Variants in TSPEAR observed in about 807,000 individuals in gnomAD.
TSPEAR encodes thrombospondin-type laminin G domain and EAR repeat-containing protein.
In TSPEAR, 69 loss-of-function variants were observed where a neutral mutation model predicts 71.6. That is an observed-to-expected ratio of 0.96 (90% CI 0.79 to 1.18). The LOEUF (loss-of-function observed/expected upper bound fraction) is 1.18. TSPEAR is among the 50% of genes most tolerant of loss of function. The pLI is 0.00. For synonymous variants in TSPEAR, 402 were observed against 387.2 expected, an observed-to-expected ratio of 1.04 and a Z score of -0.45; for missense variants, 971 against 894.9, an observed-to-expected ratio of 1.09 and a Z score of -1.09.
chr21:44,694,206 G>A (rs536642918), intron 1 of TSPEAR, among the ~76,000 whole-genome samples: 15 of 152,346 alleles, frequency 9.8e-5, no homozygotes, highest in African/African-American at 3.6e-4. Context: ...TGGTATATCT[G>A]TATGAAGGAA....
At chr21:44,538,055 T>C (rs1346816288) in intron 2 of TSPEAR, among the ~76,000 whole-genome samples, 1 of 152,164 alleles carries the variant, frequency 6.6e-6, no homozygotes, top group Non-Finnish European at 1.5e-5. Context: ...TCTGTGCCTG[T>C]TCTGACCACA....
chr21:44,581,117 G>A (rs782776709), intron 1 of TSPEAR, among the ~76,000 whole-genome samples: 16 of 152,144 alleles, frequency 1.1e-4, no homozygotes, highest in South Asian at 1.0e-3. Context: ...CTTGTGCCTC[G>A]TAAGGGGAAT....
intron 1 of TSPEAR, among the ~76,000 whole-genome samples, chr21:44,640,556 G>C (rs1473617679): frequency 6.6e-6 from 1 of 152,232 alleles, no homozygotes; most frequent in Non-Finnish European, 1.5e-5. Flanking sequence ...CTTGGTCAAT[G>C]TGTTAAAAAC....
chr21:44,517,404 T>C, intron 9 of TSPEAR: 1 of 221,854 alleles, frequency 4.5e-6, no homozygotes, highest in South Asian at 6.0e-5. Context: ...TGAGTACACG[T>C]GACACAGGGA....
At chr21:44,534,720 C>G (rs2053058211) in intron 2 of TSPEAR, among the ~76,000 whole-genome samples, 1 of 152,158 alleles carries the variant, frequency 6.6e-6, no homozygotes, top group Non-Finnish European at 1.5e-5. Context: ...CTGTGGAAAA[C>G]AGGATGGCAG....
chr21:44,659,168 C>A (rs1294170720), intron 1 of TSPEAR, among the ~76,000 whole-genome samples: 1 of 152,206 alleles, frequency 6.6e-6, no homozygotes, highest in African/African-American at 2.4e-5. Flanking sequence ...TAAGCAACGT[C>A]AGCCTGCCTC....
Position 44,499,922 on chromosome 21 carries a change from T to C in TSPEAR, c.1871A>G (p.Glu624Gly), listed in dbSNP as rs1555910930. The change falls in exon 12 of 12, where the codon GAG becomes GGG. Residue 624 changes from glutamate (E) to glycine (G), a missense_variant. Physicochemically the swap from Glu to Gly is moderately conservative, Grantham distance 98. Transcript: ENST00000323084. The part of the protein sequence containing the change: ...NSIIYRWQGY[E>G]GFVAVHSLPT... ...GAGGCTGTGCACCGCCACGAAGCCC[T>C]CGTAGCCCTGCCACCTGCGGAACAG... The C allele has an allele frequency of 1.9e-6, 3 of 1,606,634 alleles. No individual in the cohort carries two copies. Among genetic ancestry groups the C allele is most frequent in the East Asian group, 4.5e-5 (2 of 44,374 alleles).
At chr21:44,515,226 G>A (rs1555913231) in intron 9 of TSPEAR, among the ~76,000 whole-genome samples, 1 of 152,274 alleles carries the variant, frequency 6.6e-6, no homozygotes, top group Non-Finnish European at 1.5e-5. Context: ...GGCAAAACAT[G>A]AAAGTGGGCT....
intron 2 of TSPEAR, among the ~76,000 whole-genome samples, chr21:44,545,346 A>T (rs151213397): frequency 1.4e-4 from 21 of 147,370 alleles, no homozygotes; most frequent in South Asian, 1.3e-3. Flanking sequence ...TTAATTAATT[A>T]AAAAAAAAAG....
At chr21:44,510,223 T>C (rs941512921) in intron 9 of TSPEAR, among the ~76,000 whole-genome samples, 1 of 152,132 alleles carries the variant, frequency 6.6e-6, no homozygotes, top group African/African-American at 2.4e-5. Flanking sequence ...AGGGGAAGGC[T>C]GCTTCCCTGG....
intron 1 of TSPEAR, chr21:44,575,285 C>T: frequency 2.0e-6 from 1 of 493,564 alleles, no homozygotes; most frequent in Non-Finnish European, 3.8e-6. Context: ...CCCGTGAGGT[C>T]TCTGTCCTCC....
chr21:44,588,995 G>C (rs1785470), intron 1 of TSPEAR, among the ~76,000 whole-genome samples: 132,011 of 151,490 alleles, frequency 0.87, 57,597 homozygotes, highest in Admixed American at 0.9. Context: ...TTTGGGGACT[G>C]AGAGGGAAAG....
chr21:44,580,077 A>AG (rs1978816824), intron 1 of TSPEAR: 1 of 1,613,650 alleles, frequency 6.2e-7, no homozygotes, highest in Admixed American at 1.7e-5. Flanking sequence ...GACTGCTGGC[A>AG]GGGGGAGGAG....
rs782487781 is a variant in TSPEAR at position 44,531,128 on chromosome 21, G to A, written c.548C>T (p.Ala183Val). ...CAGGGTGGCTGGGAAGGGCACATCG[G>A]CCATTCTGAAAATATCAAAGGACTG... ...TDCGLPVDIM[A>V]DVPFPATLSV... Residue 183 changes from alanine (A) to valine (V), a missense_variant, in exon 4 of 12, where the codon GCC (alanine) becomes GTC (valine). Ala to Val is a moderately conservative substitution (Grantham distance 64, BLOSUM62 0). Coordinates refer to ENST00000323084, the MANE Select transcript of TSPEAR (RefSeq NM_144991.3). The A allele has an allele frequency of 4.3e-6, 7 of 1,613,576 alleles. No homozygotes were observed. The highest frequency in any genetic ancestry group is 1.7e-5 in the Admixed American group (1 of 60,006).
At chr21:44,590,378 T>TC (rs1257114888) in intron 1 of TSPEAR, among the ~76,000 whole-genome samples, 9 of 152,106 alleles carry the variant, frequency 5.9e-5, no homozygotes, top group South Asian at 2.1e-4. Flanking sequence ...GACAGGGTCC[T>TC]CGGGGTCAGA....
chr21:44,590,231 C>T (rs1167658802), intron 1 of TSPEAR, among the ~76,000 whole-genome samples: 2 of 152,248 alleles, frequency 1.3e-5, no homozygotes, highest in African/African-American at 4.8e-5. Context: ...ATGCACACAG[C>T]GACCTGGCAG....
chr21:44,646,619 C>T (rs1555939872), intron 1 of TSPEAR: 1 of 1,612,980 alleles, frequency 6.2e-7, no homozygotes, highest in Non-Finnish European at 8.5e-7. Context: ...AGCTGTGTGT[C>T]CAGCCCCTGC....
At chr21:44,674,174 G>T (rs1986194036) in intron 1 of TSPEAR, among the ~76,000 whole-genome samples, 1 of 149,948 alleles carries the variant, frequency 6.7e-6, no homozygotes, top group African/African-American at 2.4e-5. Flanking sequence ...GCACCTCAAG[G>T]AACTAGAAAG....
At chr21:44,507,042 C>T (rs1490331262) in intron 10 of TSPEAR, 3 of 152,232 alleles carry the variant, frequency 2.0e-5, no homozygotes, top group Non-Finnish European at 4.4e-5. Context: ...GGGGGATGCT[C>T]TGAGCCGCGC....
Sources: allele counts gnomAD v4.1 joint callset (sites outside exome capture counted in the v4.1 genomes callset), GRCh38; gene constraint gnomAD v4.1.1; transcripts MANE v1.5; gene names NCBI Gene and HGNC (gene_info 2026-07-23, HGNC 2026-07-21).